FBXL17: variants seen among roughly 807,000 people sequenced by gnomAD.
FBXL17 encodes the protein F-box/LRR-repeat protein 17.
A neutral mutation model predicts 66.2 loss-of-function variants in FBXL17; 22 were observed. The ratio of observed to expected loss-of-function variants is 0.33; its 90% CI spans 0.24 to 0.47. The LOEUF is 0.47. FBXL17 is among the 20% of genes least tolerant of loss of function. The pLI, the probability that FBXL17 is intolerant of heterozygous loss-of-function variation, is 1.00. For synonymous variants in FBXL17, 474 were observed against 400.5 expected (o/e 1.18, Z -2.19); for missense variants, 878 against 948.2 (o/e 0.93, Z 0.97).
In FBXL17 at chr5:108,133,862, C is replaced by G. The variant is rs12652883; in HGVS notation, c.1745+52255G>C. Among the ~76,000 whole-genome samples, 6 of 151,974 alleles carry G rather than the reference C, an allele frequency of 3.9e-5. No individual in the cohort carries two copies. In the South Asian group the frequency reaches 1.2e-3, roughly 32 times the overall value. On this transcript the variant is annotated intron_variant, in intron 6 of 8. Coordinates refer to ENST00000542267, the MANE Select transcript of FBXL17 (RefSeq NM_001163315.3). ...AAAATGAGTCAAATGAGTTGGCACA[C>G]GTAAAACATTCAGCAGAAGTCCAAT...
chr5:108,096,649 C>T (rs530302458), intron 6 of FBXL17, among the ~76,000 whole-genome samples: 77 of 152,228 alleles, frequency 5.1e-4, no homozygotes, highest in African/African-American at 1.7e-3. Context: ...CAGACAAAAA[C>T]AATAAGATCA....
chr5:108,275,249 A>G (rs754276014), intron 4 of FBXL17, among the ~76,000 whole-genome samples: 9 of 152,230 alleles, frequency 5.9e-5, no homozygotes, highest in Non-Finnish European at 1.3e-4. Context: ...GGCACTGCCT[A>G]CGACACAAGA....
chr5:107,972,669 C>T lies in FBXL17; in HGVS notation c.1822+48256G>A, dbSNP rs115530417. Reference sequence around the variant, plus strand: ...TATAAGCATTCTTATGATAAGTATACTATAAGACAGTTATTAAGTCACCGC... The same window carrying T: ...TATAAGCATTCTTATGATAAGTATATTATAAGACAGTTATTAAGTCACCGC... On this transcript the variant is annotated intron_variant, in intron 7 of 8. Transcript: ENST00000542267. 9.5e-3 allele frequency among the ~76,000 whole-genome samples: 1,446 copies of T among 152,190 alleles called. 28 individuals are homozygous for T. The highest frequency in any genetic ancestry group is 0.033 in the African/African-American group (1,366 of 41,526).
chr5:108,338,951 A>G (rs371204705), intron 4 of FBXL17, among the ~76,000 whole-genome samples: 8 of 152,304 alleles, frequency 5.3e-5, no homozygotes, highest in African/African-American at 1.2e-4. Context: ...CATCACCTGT[A>G]TATCTTTGCC....
At chr5:108,303,086 A>C (rs1419715228) in intron 4 of FBXL17, among the ~76,000 whole-genome samples, 1 of 151,814 alleles carries the variant, frequency 6.6e-6, no homozygotes, top group East Asian at 1.9e-4. Context: ...CAAAATGCTT[A>C]ACTTTTAATA....
chr5:108,125,168 T>A (rs1022326616), intron 6 of FBXL17, among the ~76,000 whole-genome samples: 1 of 151,928 alleles, frequency 6.6e-6, no homozygotes, highest in Non-Finnish European at 1.5e-5. Flanking sequence ...AGCAACATAC[T>A]ATAAAAATAA....
At chr5:108,123,353 G>A (rs559538404) in intron 6 of FBXL17, among the ~76,000 whole-genome samples, 92 of 152,008 alleles carry the variant, frequency 6.1e-4, no homozygotes, top group African/African-American at 2.0e-3. Flanking sequence ...AAGCAAGATC[G>A]AGCAACTCTT....
intron 6 of FBXL17, among the ~76,000 whole-genome samples, chr5:108,077,571 G>A (rs1188629767): frequency 6.6e-6 from 1 of 151,906 alleles, no homozygotes; most frequent in Non-Finnish European, 1.5e-5. Context: ...GCTGAGGCAG[G>A]AGGATCCCTT....
At position 108,382,079 on chromosome 5, in the gene FBXL17, G is replaced by T; in HGVS notation, c.-388C>A. 1 of 585,432 alleles carries T rather than the reference G, an allele frequency of 1.7e-6. No homozygotes were observed. Among genetic ancestry groups the T allele is most frequent in the Non-Finnish European group, 2.2e-6 (1 of 458,734 alleles). The allele number at this position is 585,432 out of a possible 1,614,324, so 36.3% of individuals were successfully genotyped here. ...CATTTTAACTGCGGATCCGCCGCCG[G>T]CGCGCGCACCCGCGACTCTGCTCGG... On this transcript the variant is annotated 5_prime_UTR_variant, in exon 1 of 9. Transcript: ENST00000542267.
chr5:107,941,459 C>T (rs1751095836), intron 7 of FBXL17, among the ~76,000 whole-genome samples: 1 of 152,170 alleles, frequency 6.6e-6, no homozygotes, highest in Non-Finnish European at 1.5e-5. Context: ...TATTCCAACC[C>T]TCGGGTAGAA....
At chr5:108,348,057 T>A (rs1747393801) in intron 4 of FBXL17, among the ~76,000 whole-genome samples, 1 of 152,144 alleles carries the variant, frequency 6.6e-6, no homozygotes, top group African/African-American at 2.4e-5. Flanking sequence ...ATTATTATAA[T>A]CCCTAGAGAT....
At chr5:107,948,080 C>A (rs1317866175) in intron 7 of FBXL17, among the ~76,000 whole-genome samples, 1 of 151,902 alleles carries the variant, frequency 6.6e-6, no homozygotes, top group Non-Finnish European at 1.5e-5. Context: ...TAGAGAGAAA[C>A]ATCTCTCAAG....
At chr5:108,140,428 T>G (rs920428928) in intron 6 of FBXL17, among the ~76,000 whole-genome samples, 1 of 152,190 alleles carries the variant, frequency 6.6e-6, no homozygotes, top group Non-Finnish European at 1.5e-5. Context: ...CCATAGTCCT[T>G]AACCTTCACA....
At chr5:107,924,176 C>T (rs997354814) in intron 7 of FBXL17, among the ~76,000 whole-genome samples, 4 of 151,250 alleles carry the variant, frequency 2.6e-5, no homozygotes, top group Admixed American at 6.6e-5. Context: ...TGAGCCACTA[C>T]GCCCGACTTT....
At chr5:108,337,722 A>AG (rs397998957) in intron 4 of FBXL17, among the ~76,000 whole-genome samples, 1 of 151,432 alleles carries the variant, frequency 6.6e-6, no homozygotes, top group Non-Finnish European at 1.5e-5. Flanking sequence ...AAAAAAAAAA[A>AG]GTAATAAGAC....
intron 4 of FBXL17, among the ~76,000 whole-genome samples, chr5:108,236,705 C>T (rs1279533230): frequency 2.6e-5 from 4 of 152,182 alleles, no homozygotes; most frequent in Non-Finnish European, 5.9e-5. Context: ...AAAACAGAGA[C>T]CCACAGCATA....
chr5:108,038,019 T>G (rs1746910845), intron 6 of FBXL17, among the ~76,000 whole-genome samples: 1 of 152,114 alleles, frequency 6.6e-6, no homozygotes, highest in African/African-American at 2.4e-5. Context: ...CATAAGAAGA[T>G]GATTAGCTAA....
chr5:108,034,285 T>C (rs1170532756), intron 6 of FBXL17, among the ~76,000 whole-genome samples: 1 of 152,186 alleles, frequency 6.6e-6, no homozygotes, highest in Non-Finnish European at 1.5e-5. Context: ...AGCCCCAAAC[T>C]GTCATCCTTG....
intron 7 of FBXL17, among the ~76,000 whole-genome samples, chr5:107,981,471 T>G (rs1411133084): frequency 6.6e-6 from 1 of 152,232 alleles, no homozygotes; most frequent in Non-Finnish European, 1.5e-5. Flanking sequence ...TAGCCCCTTA[T>G]TGGAGCAGAA....
Sources: gnomAD v4.1 joint callset for allele counts (sites outside exome capture counted in the v4.1 genomes callset) on GRCh38, gnomAD v4.1.1 for gene constraint, MANE v1.5 for transcripts, NCBI Gene and HGNC (gene_info 2026-07-23, HGNC 2026-07-21) for gene names.